Variants in APOB observed in about 807,000 individuals in gnomAD.
The protein encoded by APOB is apolipoprotein B-100.
Under a neutral mutation model 314.1 loss-of-function variants are expected in APOB, and 153 were observed. The observed-to-expected ratio is 0.49, with a 90% CI of 0.43 to 0.56. APOB has a LOEUF of 0.56. Ranked by LOEUF, APOB falls within the 20% of genes least tolerant of loss-of-function variation. APOB has a pLI of 0.00. For missense variants in APOB, 5,430 were observed against 5,350.7 expected (o/e 1.01, Z -0.46); for synonymous variants, 2,087 against 2,036.4 (o/e 1.02, Z -0.67).
chr2:21,016,785 C>A (rs1007081727), intron 20 of APOB, 136 bp from the exon 21 acceptor site: 49 of 697,582 alleles, frequency 7.0e-5, no homozygotes, highest in Middle Eastern at 3.1e-4. Context: ...GAGATCAAGA[C>A]CATTCTGGCT....
In APOB at chr2:21,016,461, C is replaced by T; in HGVS notation, c.3310G>A (p.Val1104Ile). Residue 1104 changes from valine to isoleucine, a missense_variant, in exon 21 of 29, where the codon GTC becomes ATC. Physicochemically the swap from Val to Ile is conservative, Grantham distance 29. Coordinates refer to ENST00000233242, the MANE Select transcript of APOB (RefSeq NM_000384.3). ...TACCTTAGGTGGCCCATGAGGGCGA[C>T]CTCAGTAATTTTCTTGTTCTGAATG... The part of the protein sequence containing the change: ...LDIQNKKITE[V>I]ALMGHLSCDT... 1 of 1,609,214 alleles carries T rather than the reference C, an allele frequency of 6.2e-7. No individual in the cohort carries two copies. The highest frequency in any genetic ancestry group is 1.1e-5 in the South Asian group (1 of 90,992).
At position 21,032,413 on chromosome 2, in the gene APOB, G is replaced by A. The variant is rs1663902964; in HGVS notation, c.1293C>T (p.Asn431=). 6.2e-7 allele frequency: 1 copy of A among 1,613,994 alleles called. No homozygotes were observed. The highest frequency in any genetic ancestry group is 1.3e-5 in the African/African-American group (1 of 74,948). The change falls in exon 10 of 29, where the codon AAC becomes AAT. Residue 431 remains asparagine, a synonymous_variant. Coordinates refer to ENST00000233242, the MANE Select transcript of APOB (RefSeq NM_000384.3). ...CTCGGCTGCGCTGATCCCTCGCCATGTTGAAGATCTCTCGCAGCTGCTGTG... is the reference window on the plus strand; with the variant it reads ...CTCGGCTGCGCTGATCCCTCGCCATATTGAAGATCTCTCGCAGCTGCTGTG... The part of the protein sequence containing the change: ...PSAQQLREIF[N]MARDQRSRAT...
At chr2:21,003,476 G>T in intron 28 of APOB, 142 bp from the exon 29 acceptor site, 1 of 766,610 alleles carries the variant, frequency 1.3e-6, no homozygotes, top group Non-Finnish European at 2.2e-6. Flanking sequence ...TCATATGTCA[G>T]TTCATGTGTT....
chr2:21,005,648 T>C lies in APOB; in HGVS notation c.11220A>G (p.Leu3740=), dbSNP rs1423038719. The change falls in exon 26 of 29, where the codon CTA becomes CTG. Residue 3740 remains leucine, a synonymous_variant. Transcript: ENST00000233242. ...FIIPGLKLND[L]NSVLVMPTFH... ...ACGTAGGCATGACAAGAACTGAATT[T>C]AGATCATTTAGTTTCAGCCCAGGAA... The C allele has an allele frequency of 1.2e-6, 2 of 1,613,840 alleles. No homozygotes were observed. The highest frequency in any genetic ancestry group is 2.7e-5 in the African/African-American group (2 of 74,922).
In APOB at chr2:21,010,432, T is replaced by C; in HGVS notation, c.6436A>G (p.Thr2146Ala). 1 of 1,604,982 alleles carries C rather than the reference T, an allele frequency of 6.2e-7. No individual in the cohort carries two copies. Among genetic ancestry groups the C allele is most frequent in the Non-Finnish European group, 8.5e-7 (1 of 1,173,962 alleles). Residue 2146 changes from threonine (T) to alanine (A), a missense_variant, in exon 26 of 29, where the codon ACA becomes GCA. By Grantham distance (58) the Thr-to-Ala change is moderately conservative (BLOSUM62 0). Around this residue, in one of 3 missense-constraint regions of APOB, gnomAD observed 3,281 missense variants for 3,171.0 expected, o/e 1.03. Coordinates refer to ENST00000233242, the MANE Select transcript of APOB (RefSeq NM_000384.3). ...SHAKEKLTAL[T>A]KKYRITENDI... is the part of the protein sequence containing the mutation. ...TTTTCTGTAATTCTATACTTTTTTG[T>C]GAGAGCAGTCAGTTTCTCCTTGGCA...
At chr2:21,017,139 A>AT (rs34607237) in intron 20 of APOB, among the ~76,000 whole-genome samples, 22,515 of 150,838 alleles carry the variant, frequency 0.15, 1,797 homozygotes, top group Non-Finnish European at 0.18. Context: ...ATTTTACTGA[A>AT]TTTTTTTTTT....
chr2:21,041,807 T>G (rs1664138775), intron 3 of APOB, among the ~76,000 whole-genome samples: 1 of 152,244 alleles, frequency 6.6e-6, no homozygotes, highest in East Asian at 1.9e-4. Flanking sequence ...CTGCTCAGCT[T>G]GACTTCTCTT....
In APOB at chr2:21,011,770, C is replaced by A. The variant is rs140783923; in HGVS notation, c.5098G>T (p.Asp1700Tyr). The A allele has an allele frequency of 3.1e-6, 5 of 1,614,126 alleles. No homozygotes were observed. The highest frequency in any genetic ancestry group is 3.4e-6 in the Non-Finnish European group (4 of 1,180,028). ...AGCTCTGTGAGGGCGGCTTTCCCAT[C>A]CAGACTGAATTTTGCATTGTGTTCC... ...FREHNAKFSLDGKAALTELSL... is the reference protein window; with the variant it reads ...FREHNAKFSLYGKAALTELSL... Residue 1700 changes from aspartate to tyrosine, a missense_variant, in exon 26 of 29, where the codon GAT becomes TAT. Transcript: ENST00000233242.
rs753515117 is a variant in APOB at position 21,009,767 on chromosome 2, T to C, written c.7101A>G (p.Gln2367=). The C allele has an allele frequency of 1.2e-6, 2 of 1,614,030 alleles. No individual in the cohort carries two copies. The highest frequency in any genetic ancestry group is 8.5e-7 in the Non-Finnish European group (1 of 1,179,972). ...LMDKLVELAH[Q]YKLKETIQKL... Reference sequence around the variant, plus strand: ...TCTGAATAGTCTCCTTCAACTTGTATTGGTGGGCCAACTCTACTAATTTAT... The same window carrying C: ...TCTGAATAGTCTCCTTCAACTTGTACTGGTGGGCCAACTCTACTAATTTAT... Residue 2367 remains glutamine (Q), a synonymous_variant, in exon 26 of 29, where the codon CAA becomes CAG. Coordinates refer to ENST00000233242, the MANE Select transcript of APOB (RefSeq NM_000384.3).
Position 21,008,774 on chromosome 2 carries a change from C to A in APOB, c.8094G>T (p.Val2698=). The A allele has an allele frequency of 6.2e-7, 1 of 1,614,034 alleles. No homozygotes were observed. The change falls in exon 26 of 29, where the codon GTG becomes GTT. Residue 2698 remains valine, a synonymous_variant. Coordinates refer to ENST00000233242, the MANE Select transcript of APOB (RefSeq NM_000384.3). ...VPDIYLRDLK[V]EDIPLARITL... ...TGATTCTCGCTAGAGGAATGTCCTC[C>A]ACCTTCAGATCCCTGAGATATATAT...
At position 21,012,239 on chromosome 2, in the gene APOB, G is replaced by A. The variant is rs758993671; in HGVS notation, c.4629C>T (p.Ser1543=). Residue 1543 remains serine (S), a synonymous_variant, in exon 26 of 29, where the codon TCC becomes TCT. Coordinates refer to ENST00000233242, the MANE Select transcript of APOB (RefSeq NM_000384.3). ...ITGRYEDGTL[S]LTSTSDLQSG... ...TTTGCAGATCAGAGGTGGAGGTGAGGGAGAGGGTTCCATCTTCATATCTTC... is the reference window on the plus strand; with the variant it reads ...TTTGCAGATCAGAGGTGGAGGTGAGAGAGAGGGTTCCATCTTCATATCTTC... 1.3e-4 allele frequency: 216 copies of A among 1,610,874 alleles called. No individual in the cohort carries two copies. Among genetic ancestry groups the A allele is most frequent in the Non-Finnish European group, 1.8e-4 (211 of 1,177,612 alleles).
In APOB at chr2:21,032,362, C is replaced by A. The variant is rs148985217; in HGVS notation, c.1344G>T (p.Ala448=). 2 of 1,612,852 alleles carry A rather than the reference C, an allele frequency of 1.2e-6. No homozygotes were observed. Among genetic ancestry groups the A allele is most frequent in the Non-Finnish European group, 1.7e-6 (2 of 1,179,946 alleles). The change falls in exon 10 of 29, where the codon GCG becomes GCT. Residue 448 remains alanine (A), a synonymous_variant. Coordinates refer to ENST00000233242, the MANE Select transcript of APOB (RefSeq NM_000384.3). ...ACAGTGTGGAAACTCACTTGTTGAC[C>A]GCGTGGCTCAGCGCATACAAGGTGG... ...SRATLYALSH[A]VNNYHKTNPT... is the part of the protein sequence containing the mutation.
intron 15 of APOB, 134 bp from the exon 16 acceptor site, chr2:21,025,258 G>T: frequency 1.2e-6 from 1 of 822,398 alleles, no homozygotes. Flanking sequence ...GGGAGACACT[G>T]AAGTCCAGGC....
At position 21,003,145 on chromosome 2, in the gene APOB, T is replaced by C; in HGVS notation, c.12277A>G (p.Thr4093Ala). 6.2e-7 allele frequency: 1 copy of C among 1,613,410 alleles called. No individual in the cohort carries two copies. Among genetic ancestry groups the C allele is most frequent in the Non-Finnish European group, 8.5e-7 (1 of 1,179,470 alleles). The stretch of plus-strand genomic sequence containing the variant: ...GACACTTCTCTCAGGGTGAGCCCTG[T>C]GTGTTCCCAGTGGTACTTGTTGACA... ...DYVNKYHWEHTGLTLREVSSK... is the reference protein window; with the variant it reads ...DYVNKYHWEHAGLTLREVSSK... Residue 4093 changes from threonine to alanine, a missense_variant, in exon 29 of 29, where the codon ACA (threonine) becomes GCA (alanine). Around this residue, in one of 3 missense-constraint regions of APOB, gnomAD observed 3,281 missense variants for 3,171.0 expected, o/e 1.03. Transcript: ENST00000233242.
Position 21,024,893 on chromosome 2 carries a change from G to A in APOB, c.2436+40C>T, listed in dbSNP as rs72653065. ...CTGGGCGATCTAAAAAAAAACCAAC[G>A]TCTGGTCTCATGGGCCCCCAGTGGG... is the stretch of plus-strand genomic sequence containing the variant. On this transcript the variant is annotated intron_variant, in intron 16 of 28. Coordinates refer to ENST00000233242, the MANE Select transcript of APOB (RefSeq NM_000384.3). 619 of 1,609,192 alleles carry A rather than the reference G, an allele frequency of 3.8e-4. No individual in the cohort carries two copies. In the African/African-American group the frequency reaches 7.0e-3, roughly 18 times the overall value.
In APOB at chr2:21,016,515, C is replaced by T. The variant is rs12720801; in HGVS notation, c.3256G>A (p.Gly1086Ser). ...AGGGTGAGTCTGTAAGACGTTTTGC[C>T]CTCAGTAGATTCATCATTAACTCTG... ...ILRVNDESTE[G>S]KTSYRLTLDI... Residue 1086 changes from glycine to serine, a missense_variant, in exon 21 of 29, where the codon GGC (glycine) becomes AGC (serine). Gly to Ser is a moderately conservative substitution (Grantham distance 56, BLOSUM62 0). Transcript: ENST00000233242. 124 of 1,610,672 alleles carry T rather than the reference C, an allele frequency of 7.7e-5. No individual in the cohort carries two copies. In the African/African-American group the frequency reaches 1.4e-3, roughly 19 times the overall value.
At chr2:21,036,223 T>C (rs1214019553) in intron 6 of APOB, among the ~76,000 whole-genome samples, 1 of 152,170 alleles carries the variant, frequency 6.6e-6, no homozygotes, top group South Asian at 2.1e-4. Context: ...TGCATTAGAC[T>C]GGAAGCATCC....
rs771972175 is a variant in APOB at position 21,009,617 on chromosome 2, G to T, written c.7251C>A (p.Asn2417Lys). 6.2e-7 allele frequency: 1 copy of T among 1,613,804 alleles called. No homozygotes were observed. The highest frequency in any genetic ancestry group is 1.1e-5 in the South Asian group (1 of 91,064). ...LSFKTFIEDV[N>K]KFLDMLIKKL... ...TCTTTATCAACATGTCAAGGAATTT[G>T]TTAACATCTTCAATGAATGTTTTAA... Residue 2417 changes from asparagine (N) to lysine (K), a missense_variant, in exon 26 of 29, where the codon AAC becomes AAA. By Grantham distance (94) the Asn-to-Lys change is moderately conservative. Coordinates refer to ENST00000233242, the MANE Select transcript of APOB (RefSeq NM_000384.3).
Position 21,006,242 on chromosome 2 carries a change from C to T in APOB, c.10626G>A (p.Trp3542Ter). Reference protein sequence around the residue: ...LQGTSKIDDIWNLEVKENFAG... With the variant: ...LQGTSKIDDI The stretch of plus-strand genomic sequence containing the variant: ...CAAAATTTTCTTTTACTTCAAGGTT[C>T]CAGATATCATCAATTTTGGAAGTGC... The change falls in exon 26 of 29, where the codon TGG becomes TGA. Residue 3542 changes from tryptophan (W) to a stop codon, truncating the protein, a stop_gained. Transcript: ENST00000233242. LOFTEE classifies it high-confidence loss of function. The T allele has an allele frequency of 1.9e-6, 3 of 1,614,012 alleles. No individual in the cohort carries two copies. Among genetic ancestry groups the T allele is most frequent in the African/African-American group, 1.3e-5 (1 of 75,002 alleles).
Sources: gnomAD v4.1 joint callset for allele counts (sites outside exome capture counted in the v4.1 genomes callset) on GRCh38, gnomAD v4.1.1 for gene constraint, gnomAD v4.1.1 regional missense constraint, MANE v1.5 for transcripts, NCBI Gene and HGNC (gene_info 2026-07-23, HGNC 2026-07-21) for gene names.